FKBP4: variants seen among roughly 807,000 people sequenced by gnomAD.
FKBP4 encodes FKBP prolyl isomerase 4.
A neutral mutation model predicts 54.1 loss-of-function variants in FKBP4; 28 were observed. The ratio of observed to expected loss-of-function variants is 0.52; its 90% CI spans 0.38 to 0.71. The LOEUF (loss-of-function observed/expected upper bound fraction) is 0.71, where lower values mean the gene tolerates loss of function less well. Among genes scored for constraint, FKBP4 ranks in the 30% least tolerant of loss-of-function variants. The pLI, the probability that FKBP4 is intolerant of heterozygous loss-of-function variation, is 0.00. For missense variants in FKBP4, 493 were observed against 574.4 expected, an observed-to-expected ratio of 0.86 and a Z score of 1.45; for synonymous variants, 223 against 216.1, an observed-to-expected ratio of 1.03 and a Z score of -0.28.
chr12:2,802,161 G>T (rs1163939234), intron 9 of FKBP4, among the ~76,000 whole-genome samples: 2 of 151,978 alleles, frequency 1.3e-5, no homozygotes, highest in Non-Finnish European at 2.9e-5. Context: ...TTCTGAGACA[G>T]AGTTTCGTTC....
chr12:2,802,767 G>A (rs546910378), intron 9 of FKBP4, among the ~76,000 whole-genome samples: 11 of 152,146 alleles, frequency 7.2e-5, no homozygotes, highest in African/African-American at 9.7e-5. Context: ...TTGCCCTGCC[G>A]CCCAGGCTGG....
chr12:2,804,567 C>T lies in FKBP4; in HGVS notation c.*1309C>T, dbSNP rs1603481833. The stretch of plus-strand genomic sequence containing the variant: ...AGCCAGGCAGCACAAGCCAGTCATG[C>T]TGAGCTGCCTCCAGATAATCCTGGC... On this transcript the variant is annotated 3_prime_UTR_variant, in exon 10 of 10. Coordinates refer to ENST00000001008, the MANE Select transcript of FKBP4 (RefSeq NM_002014.4). 1 of 152,362 alleles carries T rather than the reference C, an allele frequency of 6.6e-6. No homozygotes were observed. Among genetic ancestry groups the T allele is most frequent in the East Asian group, 1.9e-4 (1 of 5,198 alleles). The allele number at this position is 152,362 out of a possible 1,614,324, so 9.4% of individuals were successfully genotyped here. A position where few individuals can be genotyped will look rare whatever the true frequency, so the allele number is the denominator to read the frequency against.
intron 7 of FKBP4, 73 bp downstream of exon 7, chr12:2,800,195 T>C: frequency 6.5e-7 from 1 of 1,530,876 alleles, no homozygotes; most frequent in African/African-American, 1.4e-5. Context: ...CCTTGGTGAC[T>C]GAGATCATTT....
chr12:2,805,379 G>A lies in FKBP4; in HGVS notation c.*2121G>A. On this transcript the variant is annotated 3_prime_UTR_variant, in exon 10 of 10. Transcript: ENST00000001008. ...GTGGAACATCTAGAGATAAGTCTTA[G>A]TTTATGTAACATTAAAACTGTCTAG... 1 of 323,860 alleles carries A rather than the reference G, an allele frequency of 3.1e-6. No homozygotes were observed. Among genetic ancestry groups the A allele is most frequent in the Non-Finnish European group, 6.1e-6 (1 of 164,556 alleles). The allele number at this position is 323,860 out of a possible 1,614,324, so 20.1% of individuals were successfully genotyped here.
At chr12:2,801,991 CT>C (rs919819449) in intron 9 of FKBP4, among the ~76,000 whole-genome samples, 1 of 152,072 alleles carries the variant, frequency 6.6e-6, no homozygotes, top group Admixed American at 6.6e-5. Context: ...GCATACTATG[CT>C]TTTTTCACGT....
chr12:2,798,972 T>G lies in FKBP4; in HGVS notation c.515-116T>G. On this transcript the variant is annotated intron_variant, in intron 4 of 9. Coordinates refer to ENST00000001008, the MANE Select transcript of FKBP4 (RefSeq NM_002014.4). The surrounding 1 kb of genome is among the most constrained non-coding windows in gnomAD (Gnocchi z 4.3). The stretch of plus-strand genomic sequence containing the variant: ...CATATTCTCTTCATATCACTCCAGA[T>G]TTGAGAACACAGGAGAATCTTGGGA... The G allele has an allele frequency of 7.1e-7, 1 of 1,406,404 alleles. No homozygotes were observed. The highest frequency in any genetic ancestry group is 9.7e-7 in the Non-Finnish European group (1 of 1,027,470). 87.1% of individuals were successfully genotyped at this position (1,406,404 alleles called of 1,614,324 possible).
intron 2 of FKBP4, 38 bp downstream of exon 2, chr12:2,797,320 G>A: frequency 6.2e-7 from 1 of 1,611,192 alleles, no homozygotes; most frequent in Non-Finnish European, 8.5e-7. Context: ...TAGGTTCGAG[G>A]TGGACACAAG....
intron 1 of FKBP4, chr12:2,796,291 C>T (rs1446080327): frequency 1.6e-6 from 2 of 1,289,114 alleles, no homozygotes; most frequent in Non-Finnish European, 2.0e-6. Flanking sequence ...AGCGTCTGCT[C>T]CAGCGGCTCT....
chr12:2,805,190 G>C lies in FKBP4; in HGVS notation c.*1932G>C, dbSNP rs1374554671. The C allele has an allele frequency of 2.2e-6, 1 of 455,912 alleles. No individual in the cohort carries two copies. The highest frequency in any genetic ancestry group is 6.9e-5 in the East Asian group (1 of 14,400). 28.2% of individuals were successfully genotyped at this position (455,912 alleles called of 1,614,324 possible). Reference sequence around the variant, plus strand: ...CAGATAAGAAAACCAAGACTCAGAAGTTAAATGGAAAGGTGAGGTCTCTGA... The same window carrying C: ...CAGATAAGAAAACCAAGACTCAGAACTTAAATGGAAAGGTGAGGTCTCTGA... On this transcript the variant is annotated 3_prime_UTR_variant, in exon 10 of 10. Transcript: ENST00000001008.
rs2097902855 is a variant in FKBP4 at position 2,798,042 on chromosome 12, A to G, written c.393+171A>G. ...CTCTGCTGCTGCTAGTAATGGAAGT[A>G]ATAGAAGCTTCGGGTGGGAAGAGGC... On this transcript the variant is annotated intron_variant, in intron 3 of 9. Coordinates refer to ENST00000001008, the MANE Select transcript of FKBP4 (RefSeq NM_002014.4). This position sits in a 1 kb window ranked among gnomAD's most constrained non-coding sequence, Gnocchi z 4.3. Among the ~76,000 whole-genome samples, 1 of 152,176 alleles carries G rather than the reference A, an allele frequency of 6.6e-6. No homozygotes were observed. Among genetic ancestry groups the G allele is most frequent in the African/African-American group, 2.4e-5 (1 of 41,428 alleles).
In FKBP4 at chr12:2,798,258, T is replaced by C. The variant is rs2097902964; in HGVS notation, c.393+387T>C. Among the ~76,000 whole-genome samples, 1 of 152,204 alleles carries C rather than the reference T, an allele frequency of 6.6e-6. No individual in the cohort carries two copies. The highest frequency in any genetic ancestry group is 6.5e-5 in the Admixed American group (1 of 15,280). The stretch of plus-strand genomic sequence containing the variant: ...AGTAGCTCCCCTGTGGGTCAAGGGC[T>C]GAGAAAAGGCTTCACTGAGGAGATA... On this transcript the variant is annotated intron_variant, in intron 3 of 9. Coordinates refer to ENST00000001008, the MANE Select transcript of FKBP4 (RefSeq NM_002014.4). This position sits in a 1 kb window ranked among gnomAD's most constrained non-coding sequence, Gnocchi z 4.3.
chr12:2,797,813 C>G lies in FKBP4; in HGVS notation c.335C>G (p.Ala112Gly). ...CACATCACCTGCAAACCAGAATATGCCTACGGTTCAGCAGGCAGTCCTCCA... is the reference window on the plus strand; with the variant it reads ...CACATCACCTGCAAACCAGAATATGGCTACGGTTCAGCAGGCAGTCCTCCA... ...VCHITCKPEY[A>G]YGSAGSPPKI... is the part of the protein sequence containing the mutation. The change falls in exon 3 of 10, where the codon GCC becomes GGC. Residue 112 changes from alanine (A) to glycine (G), a missense_variant. Transcript: ENST00000001008. 3 of 1,614,096 alleles carry G rather than the reference C, an allele frequency of 1.9e-6. No individual in the cohort carries two copies. Among genetic ancestry groups the G allele is most frequent in the Non-Finnish European group, 2.5e-6 (3 of 1,179,972 alleles).
At position 2,798,938 on chromosome 12, in the gene FKBP4, G is replaced by T. The variant is rs1451219452; in HGVS notation, c.514+112G>T. On this transcript the variant is annotated intron_variant, in intron 4 of 9. Coordinates refer to ENST00000001008, the MANE Select transcript of FKBP4 (RefSeq NM_002014.4). This position sits in a 1 kb window ranked among gnomAD's most constrained non-coding sequence, Gnocchi z 4.3. ...CCTATCTTCTTGTCCATAAAATGAGGGGTTGGACCATATTCTCTTCATATC... is the reference window on the plus strand; with the variant it reads ...CCTATCTTCTTGTCCATAAAATGAGTGGTTGGACCATATTCTCTTCATATC... 1 of 1,422,624 alleles carries T rather than the reference G, an allele frequency of 7.0e-7. No individual in the cohort carries two copies. Among genetic ancestry groups the T allele is most frequent in the African/African-American group, 1.4e-5 (1 of 70,784 alleles). 88.1% of individuals were successfully genotyped at this position (1,422,624 alleles called of 1,614,324 possible). A position where few individuals can be genotyped will look rare whatever the true frequency, so the allele number is the denominator to read the frequency against.
chr12:2,798,753 T>TGGC lies in FKBP4; in HGVS notation c.444_446dup (p.Gly149dup). 6.2e-7 allele frequency: 1 copy of TGGC among 1,614,124 alleles called. No homozygotes were observed. The highest frequency in any genetic ancestry group is 1.7e-5 in the Admixed American group (1 of 60,016). On this transcript the variant is annotated inframe_insertion, in exon 4 of 10. Transcript: ENST00000001008. The surrounding 1 kb of genome is among the most constrained non-coding windows in gnomAD (Gnocchi z 4.3). ...GAGAAGATCTGACGGAAGAGGAAGATGGCGGAATCATTCGCAGAATACAGA... is the reference window on the plus strand; with the variant it reads ...GAGAAGATCTGACGGAAGAGGAAGATGGCGGCGGAATCATTCGCAGAATACAGA...
In FKBP4 at chr12:2,798,267, G is replaced by T. The variant is rs1355800358; in HGVS notation, c.393+396G>T. Among the ~76,000 whole-genome samples the T allele has an allele frequency of 3.3e-5, 5 of 152,314 alleles. No homozygotes were observed. The highest frequency in any genetic ancestry group is 1.2e-4 in the African/African-American group (5 of 41,570). On this transcript the variant is annotated intron_variant, in intron 3 of 9. Coordinates refer to ENST00000001008, the MANE Select transcript of FKBP4 (RefSeq NM_002014.4). The surrounding 1 kb of genome is among the most constrained non-coding windows in gnomAD (Gnocchi z 4.3). ...CCTGTGGGTCAAGGGCTGAGAAAAGGCTTCACTGAGGAGATAGAACTTGAC... is the reference window on the plus strand; with the variant it reads ...CCTGTGGGTCAAGGGCTGAGAAAAGTCTTCACTGAGGAGATAGAACTTGAC...
intron 9 of FKBP4, among the ~76,000 whole-genome samples, chr12:2,802,754 C>A (rs556633721): frequency 3.7e-4 from 56 of 152,044 alleles, no homozygotes; most frequent in African/African-American, 1.2e-3. Context: ...GAGACAGTGT[C>A]TCTTGCCCTG....
intron 7 of FKBP4, 121 bp downstream of exon 7, chr12:2,800,243 C>A: frequency 7.3e-7 from 1 of 1,371,858 alleles, no homozygotes; most frequent in Non-Finnish European, 1.0e-6. Context: ...CTGCCATCTT[C>A]ACTTCATATA....
intron 3 of FKBP4, 50 bp downstream of exon 3, chr12:2,797,921 G>C (rs41456246): frequency 6.4e-7 from 1 of 1,571,168 alleles, no homozygotes; most frequent in East Asian, 2.3e-5. Context: ...CCTTATCTCA[G>C]CCCAATGCCT....
At chr12:2,803,058 G>C in intron 9 of FKBP4, 93 bp from the exon 10 acceptor site, 1 of 896,170 alleles carries the variant, frequency 1.1e-6, no homozygotes, top group Non-Finnish European at 1.8e-6. Flanking sequence ...ACAGATGTAG[G>C]AGAATGGGTG....
Sources: allele counts gnomAD v4.1 joint callset (sites outside exome capture counted in the v4.1 genomes callset), GRCh38; gene constraint gnomAD v4.1.1; non-coding constraint Gnocchi (gnomAD v3.1); transcripts MANE v1.5; gene names NCBI Gene and HGNC (gene_info 2026-07-23, HGNC 2026-07-21).